The following PHACTR4 variants were observed in gnomAD, a reference collection of about 807,000 sequenced individuals.
PHACTR4 encodes phosphatase and actin regulator 4, also known as protein phosphatase 1, regulatory subunit 124.
Under a neutral mutation model 72.7 loss-of-function variants are expected in PHACTR4, and 51 were observed. The ratio of observed to expected loss-of-function variants is 0.70; its 90% CI spans 0.56 to 0.89. The LOEUF is 0.89. Among genes scored for constraint, PHACTR4 ranks in the 40% least tolerant of loss-of-function variants. The pLI, the probability that PHACTR4 is intolerant of heterozygous loss-of-function variation, is 0.00. For missense variants in PHACTR4, 731 were observed against 861.8 expected, an observed-to-expected ratio of 0.85 and a Z score of 1.90; for synonymous variants, 255 against 302.5, an observed-to-expected ratio of 0.84 and a Z score of 1.63.
intron 1 of PHACTR4, among the ~76,000 whole-genome samples, chr1:28,394,167 A>G (rs1653287465): frequency 6.6e-6 from 1 of 151,848 alleles, no homozygotes; most frequent in South Asian, 2.1e-4. Flanking sequence ...AGTGGAAGAC[A>G]GTGATATTCT....
intron 13 of PHACTR4, among the ~76,000 whole-genome samples, chr1:28,494,975 T>G (rs779925451): frequency 3.9e-4 from 60 of 152,168 alleles, no homozygotes; most frequent in African/African-American, 9.7e-5. Context: ...AGCATAGTGG[T>G]AGCTCACACC....
intron 6 of PHACTR4, among the ~76,000 whole-genome samples, chr1:28,469,140 C>T (rs936547546): frequency 1.3e-5 from 2 of 152,162 alleles, no homozygotes; most frequent in East Asian, 1.9e-4. Context: ...CTTCCTAATC[C>T]TTTGGTGTTA....
intron 2 of PHACTR4, among the ~76,000 whole-genome samples, chr1:28,446,231 G>A (rs1048398011): frequency 2.0e-5 from 3 of 152,140 alleles, no homozygotes; most frequent in South Asian, 2.1e-4. Context: ...CTCCTTAAAA[G>A]ATTCTCTGTT....
At chr1:28,489,343 AG>A in intron 10 of PHACTR4, 118 bp downstream of exon 10, 3 of 767,788 alleles carry the variant, frequency 3.9e-6, no homozygotes, top group Non-Finnish European at 6.2e-6. Flanking sequence ...TGTTCCAGCC[AG>A]GCAAGGACTA....
chr1:28,457,755 G>T (rs1658494923), intron 2 of PHACTR4: 1 of 830,346 alleles, frequency 1.2e-6, no homozygotes, highest in African/African-American at 1.9e-5. Flanking sequence ...GTTCCTTGAT[G>T]TATTTCTACA....
chr1:28,474,024 A>T lies in PHACTR4; in HGVS notation c.1294A>T (p.Thr432Ser), dbSNP rs1009598510. ...GGCCCTCACCAGCCCACTTCCCATG[A>T]CTCCTATTCTGGAGGGTTCTCACAG... is the stretch of plus-strand genomic sequence containing the variant. ...QQALTSPLPM[T>S]PILEGSHRAH... The change falls in exon 7 of 14, where the codon ACT (threonine) becomes TCT (serine). Residue 432 changes from threonine (T) to serine (S), a missense_variant. Around this residue, in one of 2 missense-constraint regions of PHACTR4, gnomAD observed 621 missense variants for 676.6 expected, o/e 0.92. Coordinates refer to ENST00000373839, the MANE Select transcript of PHACTR4 (RefSeq NM_001048183.3). The T allele has an allele frequency of 6.2e-7, 1 of 1,613,834 alleles. No individual in the cohort carries two copies. The highest frequency in any genetic ancestry group is 8.5e-7 in the Non-Finnish European group (1 of 1,179,962).
chr1:28,370,020 T>C (rs1651103678), intron 1 of PHACTR4, among the ~76,000 whole-genome samples, 195 bp downstream of exon 1: 1 of 151,680 alleles, frequency 6.6e-6, no homozygotes, highest in Non-Finnish European at 1.5e-5. Context: ...CCCACAACGG[T>C]CCAACCCGGG....
At chr1:28,406,491 A>G (rs1654334389) in intron 1 of PHACTR4, among the ~76,000 whole-genome samples, 1 of 152,220 alleles carries the variant, frequency 6.6e-6, no homozygotes, top group African/African-American at 2.4e-5. Flanking sequence ...AAAAATTCTG[A>G]TCTTACAAGG....
chr1:28,430,691 C>T (rs1040863998), intron 2 of PHACTR4, among the ~76,000 whole-genome samples: 2 of 152,158 alleles, frequency 1.3e-5, no homozygotes, highest in African/African-American at 4.8e-5. Context: ...CTTCCTAACC[C>T]CTCACTGGAG....
chr1:28,385,423 A>G (rs1245365088), intron 1 of PHACTR4, among the ~76,000 whole-genome samples: 2 of 151,518 alleles, frequency 1.3e-5, no homozygotes, highest in Admixed American at 6.6e-5. Flanking sequence ...GCATGCCTAT[A>G]GTCCTGGCTT....
At chr1:28,470,555 G>C (rs1269423917) in intron 6 of PHACTR4, among the ~76,000 whole-genome samples, 1 of 151,798 alleles carries the variant, frequency 6.6e-6, no homozygotes, top group East Asian at 1.9e-4. Context: ...AATTAGCCGG[G>C]CATGGTGGCA....
At chr1:28,431,196 A>T (rs867735050) in intron 2 of PHACTR4, among the ~76,000 whole-genome samples, 5 of 128,252 alleles carry the variant, frequency 3.9e-5, no homozygotes, top group East Asian at 2.4e-4. Flanking sequence ...AAAAAACCAA[A>T]ATATATATAT....
chr1:28,387,909 G>A (rs1652689222), intron 1 of PHACTR4, among the ~76,000 whole-genome samples: 1 of 152,000 alleles, frequency 6.6e-6, no homozygotes, highest in Admixed American at 6.6e-5. Context: ...TGTATCTTTA[G>A]TAGAGACAGG....
At chr1:28,475,658 AG>A (rs1472615003) in intron 7 of PHACTR4, among the ~76,000 whole-genome samples, 1 of 152,050 alleles carries the variant, frequency 6.6e-6, no homozygotes, top group African/African-American at 2.4e-5. Context: ...GTTAAAGTTA[AG>A]GGAGAGAATT....
intron 9 of PHACTR4, among the ~76,000 whole-genome samples, 190 bp downstream of exon 9, chr1:28,480,794 T>C (rs1557844540): frequency 6.6e-6 from 1 of 151,604 alleles, no homozygotes; most frequent in Non-Finnish European, 1.5e-5. Context: ...GTTCGAGCAA[T>C]TCTCCTGCAT....
Position 28,498,688 on chromosome 1 carries a change from G to T in PHACTR4, c.*2139G>T, listed in dbSNP as rs1378672618. On this transcript the variant is annotated 3_prime_UTR_variant, in exon 14 of 14. Transcript: ENST00000373839. ...TAGATTTCTTCTGATTTATTCTGTG[G>T]GTCCCTGTTATCTGTTCTTTATGTA... 6.6e-6 allele frequency: 1 copy of T among 151,958 alleles called. No homozygotes were observed. Among genetic ancestry groups the T allele is most frequent in the African/African-American group, 2.4e-5 (1 of 41,368 alleles). 9.4% of individuals were successfully genotyped at this position (151,958 alleles called of 1,614,324 possible). A position where few individuals can be genotyped will look rare whatever the true frequency, so the allele number is the denominator to read the frequency against.
chr1:28,379,806 A>G (rs1369665120), intron 1 of PHACTR4, among the ~76,000 whole-genome samples: 16 of 146,088 alleles, frequency 1.1e-4, no homozygotes, highest in African/African-American at 3.6e-4. Context: ...AGCCAGGATG[A>G]TCTCGATCTC....
intron 1 of PHACTR4, among the ~76,000 whole-genome samples, chr1:28,396,845 C>CTTTTCTTTTTT (rs1653543925): frequency 3.3e-5 from 4 of 119,662 alleles, no homozygotes; most frequent in African/African-American, 9.8e-5. Context: ...TTCTTTCTTT[C>CTTTTCTTTTTT]TTTTTTTTTT....
chr1:28,457,605 AAATAAT>A (rs924274491), intron 2 of PHACTR4, among the ~76,000 whole-genome samples: 63 of 151,512 alleles, frequency 4.2e-4, no homozygotes, highest in African/African-American at 1.3e-3. Context: ...CCTGTTTCTA[AAATAAT>A]AATAATAATA....
Sources: allele counts gnomAD v4.1 joint callset (sites outside exome capture counted in the v4.1 genomes callset), GRCh38; gene constraint gnomAD v4.1.1; regional missense constraint gnomAD v4.1.1; transcripts MANE v1.5; gene names NCBI Gene and HGNC (gene_info 2026-07-23, HGNC 2026-07-21).